METAP1: variants seen among roughly 807,000 people sequenced by gnomAD.
The protein encoded by METAP1 is methionyl aminopeptidase 1.
METAP1 carries 28 observed loss-of-function variants against 53.8 expected under a neutral mutation model. The ratio of observed to expected loss-of-function variants is 0.52; its 90% confidence interval spans 0.39 to 0.71. The LOEUF (loss-of-function observed/expected upper bound fraction) is 0.71, where lower values mean the gene tolerates loss of function less well. Among genes scored for constraint, METAP1 ranks in the 30% least tolerant of loss-of-function variants. The pLI is 0.00. For missense variants in METAP1, 389 were observed against 479.8 expected, an observed-to-expected ratio of 0.81 and a Z score of 1.77; for synonymous variants, 181 against 165.7, an observed-to-expected ratio of 1.09 and a Z score of -0.71.
intron 2 of METAP1, among the ~76,000 whole-genome samples, chr4:99,032,515 C>A (rs1579292057): frequency 6.6e-6 from 1 of 152,030 alleles, no homozygotes; most frequent in African/African-American, 2.4e-5. Flanking sequence ...ACAGGCGTGA[C>A]CTGCTGTGCC....
At chr4:99,001,377 T>C (rs931756675) in intron 1 of METAP1, among the ~76,000 whole-genome samples, 9 of 152,244 alleles carry the variant, frequency 5.9e-5, no homozygotes, top group African/African-American at 1.9e-4. Context: ...TTGTTTATTG[T>C]AGAAAAATAG....
At chr4:99,043,220 T>C in intron 6 of METAP1, 29 bp from the exon 7 acceptor site, 1 of 1,456,830 alleles carries the variant, frequency 6.9e-7, no homozygotes, top group Non-Finnish European at 9.3e-7. Flanking sequence ...TTCTTTTATA[T>C]ATTCCAAATT....
intron 1 of METAP1, among the ~76,000 whole-genome samples, chr4:98,996,660 C>T (rs1182026247): frequency 6.6e-6 from 1 of 152,148 alleles, no homozygotes; most frequent in Non-Finnish European, 1.5e-5. Flanking sequence ...AAGTTTTGTG[C>T]AGTAGAGCAA....
At chr4:99,002,852 A>T (rs946818721) in intron 1 of METAP1, among the ~76,000 whole-genome samples, 3 of 152,146 alleles carry the variant, frequency 2.0e-5, no homozygotes, top group African/African-American at 7.2e-5. Context: ...AGGCGGGCAG[A>T]TATCTTGCTA....
chr4:99,045,472 G>T (rs577480831), intron 8 of METAP1, among the ~76,000 whole-genome samples, 162 bp downstream of exon 8: 1 of 152,146 alleles, frequency 6.6e-6, no homozygotes, highest in Admixed American at 6.5e-5. Flanking sequence ...GATGATCTGG[G>T]AATCTCTTGG....
At chr4:99,033,642 C>T (rs563083744) in intron 2 of METAP1, among the ~76,000 whole-genome samples, 73 of 152,294 alleles carry the variant, frequency 4.8e-4, no homozygotes, top group South Asian at 6.2e-4. Context: ...TGCCTTTTTC[C>T]TGCCTCTTTC....
chr4:98,999,382 G>C (rs761428499), intron 1 of METAP1, among the ~76,000 whole-genome samples: 5 of 151,494 alleles, frequency 3.3e-5, no homozygotes, highest in Non-Finnish European at 5.9e-5. Flanking sequence ...TCAGGGTTTT[G>C]ATGAAGACTA....
At chr4:99,026,441 C>A in intron 1 of METAP1, 1 of 985,322 alleles carries the variant, frequency 1.0e-6, no homozygotes, top group Non-Finnish European at 1.2e-6. Context: ...TTGAAACGAC[C>A]TAATGGAATG....
rs1365062138 is a variant in METAP1 at position 99,057,745 on chromosome 4, G to T, written c.932-8G>T. 1 of 1,573,404 alleles carries T rather than the reference G, an allele frequency of 6.4e-7. No individual in the cohort carries two copies. Among genetic ancestry groups the T allele is most frequent in the Admixed American group, 1.9e-5 (1 of 53,922 alleles). ...GCTACCTTTTGAGATTTTTTTCTTT[G>T]ATTTCAGAAAATAAAGCAGTTGGAG... On this transcript the variant is annotated splice_polypyrimidine_tract_variant and splice_region_variant and intron_variant, in intron 9 of 10. Transcript: ENST00000296411.
rs1306661768 is a variant in METAP1 at position 99,039,475 on chromosome 4, A to G, written c.432+10A>G. The stretch of plus-strand genomic sequence containing the variant: ...GCGACTTGTATGTAGGGTAAGAGTG[A>G]TTTTTTCTCCATGGGGTAGGAAATG... On this transcript the variant is annotated intron_variant, in intron 5 of 10. Coordinates refer to ENST00000296411, the MANE Select transcript of METAP1 (RefSeq NM_015143.3). 1.3e-6 allele frequency: 2 copies of G among 1,530,314 alleles called. No homozygotes were observed. The highest frequency in any genetic ancestry group is 1.8e-6 in the Non-Finnish European group (2 of 1,108,974). 94.8% of individuals were successfully genotyped at this position (1,530,314 alleles called of 1,614,324 possible). A position where few individuals can be genotyped will look rare whatever the true frequency, so the allele number is the denominator to read the frequency against.
chr4:99,022,982 C>A lies in METAP1; in HGVS notation c.115-5885C>A. 3.4e-6 allele frequency: 5 copies of A among 1,476,954 alleles called. No homozygotes were observed. The South Asian group carries it at 6.0e-5, about 18-fold the overall frequency. 91.5% of individuals were successfully genotyped at this position (1,476,954 alleles called of 1,614,324 possible). On this transcript the variant is annotated intron_variant, in intron 1 of 10. Transcript: ENST00000296411. ...GGCTGGAAGTGTGGTGGGATATGGC[C>A]CAGGTACACAATACCTGGCACTACC...
intron 2 of METAP1, chr4:99,031,470 A>C: frequency 7.8e-7 from 1 of 1,284,488 alleles, no homozygotes; most frequent in Non-Finnish European, 1.0e-6. Flanking sequence ...CCACTCCCCT[A>C]CCCATTCACA....
chr4:99,026,148 C>A, intron 1 of METAP1: 1 of 848,132 alleles, frequency 1.2e-6, no homozygotes, highest in Non-Finnish European at 1.4e-6. Context: ...TTAACTTTGG[C>A]AAAATAAACT....
At chr4:99,043,192 T>TATGA in intron 6 of METAP1, 57 bp from the exon 7 acceptor site, 6 of 1,321,842 alleles carry the variant, frequency 4.5e-6, no homozygotes, top group Non-Finnish European at 6.2e-6. Flanking sequence ...TTAAAATCTG[T>TATGA]AATTTCATAC....
intron 9 of METAP1, among the ~76,000 whole-genome samples, chr4:99,057,487 A>G (rs1727238663): frequency 6.6e-6 from 1 of 152,214 alleles, no homozygotes; most frequent in Non-Finnish European, 1.5e-5. Context: ...TATAGAAGTG[A>G]TACTCATCTC....
intron 6 of METAP1, among the ~76,000 whole-genome samples, chr4:99,042,667 T>A (rs938219824): frequency 6.6e-6 from 1 of 152,152 alleles, no homozygotes; most frequent in Non-Finnish European, 1.5e-5. Flanking sequence ...AAAATGCTTG[T>A]TAATATTTAC....
chr4:99,056,522 C>G (rs745472265), intron 9 of METAP1, among the ~76,000 whole-genome samples: 2 of 151,844 alleles, frequency 1.3e-5, no homozygotes, highest in Non-Finnish European at 2.9e-5. Flanking sequence ...AAATAATGGT[C>G]TCCTTAGTTG....
intron 1 of METAP1, among the ~76,000 whole-genome samples, chr4:99,018,263 A>G (rs1579260114): frequency 6.6e-6 from 1 of 152,174 alleles, no homozygotes; most frequent in South Asian, 2.1e-4. Flanking sequence ...CTGTTTCTAC[A>G]TATTGGAGCT....
At chr4:99,041,152 A>T (rs751910925) in intron 6 of METAP1, 26 bp downstream of exon 6, 1 of 1,480,656 alleles carries the variant, frequency 6.8e-7, no homozygotes, top group African/African-American at 1.4e-5. Flanking sequence ...TTTTACTTTG[A>T]GTAATTTTGT....
Sources: gnomAD v4.1 joint callset for allele counts (sites outside exome capture counted in the v4.1 genomes callset) on GRCh38, gnomAD v4.1.1 for gene constraint, MANE v1.5 for transcripts, NCBI Gene and HGNC (gene_info 2026-07-23, HGNC 2026-07-21) for gene names.